SATB2: variants seen among roughly 807,000 people sequenced by gnomAD.
The protein encoded by SATB2 is SATB homeobox 2.
SATB2 carries 1 observed loss-of-function variant against 73.4 expected under a neutral mutation model. That is an observed-to-expected ratio of 0.01 (90% CI 0.00 to 0.06). SATB2 has a LOEUF of 0.06. Among genes scored for constraint, SATB2 ranks in the 10% least tolerant of loss-of-function variants. The pLI is 1.00. For synonymous variants in SATB2, 397 were observed against 367.0 expected, an observed-to-expected ratio of 1.08 and a Z score of -0.93; for missense variants, 459 against 945.8, an observed-to-expected ratio of 0.49 and a Z score of 6.75.
intron 3 of SATB2, among the ~76,000 whole-genome samples, chr2:199,390,819 ACT>A (rs1226148148): frequency 5.9e-5 from 9 of 151,920 alleles, no homozygotes; most frequent in African/African-American, 1.7e-4. Context: ...ATCCCTGGAA[ACT>A]CTCTATCAAT....
intron 4 of SATB2, 100 bp downstream of exon 4, chr2:199,381,594 C>T: frequency 1.3e-6 from 2 of 1,506,034 alleles, no homozygotes; most frequent in Non-Finnish European, 1.8e-6. Context: ...TGTCCAATGT[C>T]CAGAAATTAA....
chr2:199,398,083 C>T (rs1408601000), intron 3 of SATB2, among the ~76,000 whole-genome samples: 3 of 152,130 alleles, frequency 2.0e-5, no homozygotes, highest in Non-Finnish European at 4.4e-5. Context: ...CCTGAAGTTG[C>T]TTCTCAGGGC....
intron 3 of SATB2, among the ~76,000 whole-genome samples, chr2:199,387,671 T>C (rs1690003184): frequency 6.6e-6 from 1 of 152,216 alleles, no homozygotes; most frequent in Non-Finnish European, 1.5e-5. Context: ...CATGATTGAA[T>C]TGAGCACAGT....
Position 199,272,569 on chromosome 2 carries a change from G to A in SATB2, c.1844C>T (p.Pro615Leu), listed in dbSNP as rs1692191333. The part of the protein sequence containing the change: ...PPTEDSCAKK[P>L]RSRTKISLEA... ...TAAGGAGATCTTTGTGCGAGACCGG[G>A]GCTTTTTGGCACAACTGTCTTCAGT... The change falls in exon 11 of 11, where the codon CCC (proline) becomes CTC (leucine). Residue 615 changes from proline to leucine, a missense_variant. By Grantham distance (98) the Pro-to-Leu change is moderately conservative. Around this residue, in one of 13 missense-constraint regions of SATB2, gnomAD observed 74 missense variants for 136.1 expected, o/e 0.54. Transcript: ENST00000417098. This position sits in a 1 kb window ranked among gnomAD's most constrained non-coding sequence, Gnocchi z 6.7. The A allele has an allele frequency of 1.2e-6, 2 of 1,614,140 alleles. No homozygotes were observed. Among genetic ancestry groups the A allele is most frequent in the Non-Finnish European group, 1.7e-6 (2 of 1,180,016 alleles).
At chr2:199,442,367 C>T (rs751348781) in intron 2 of SATB2, among the ~76,000 whole-genome samples, 1 of 152,164 alleles carries the variant, frequency 6.6e-6, no homozygotes, top group Non-Finnish European at 1.5e-5. Context: ...ATTGACAGAA[C>T]TTGTCAGGGT....
At chr2:199,352,176 C>G (rs1035675423) in intron 6 of SATB2, among the ~76,000 whole-genome samples, 1 of 152,164 alleles carries the variant, frequency 6.6e-6, no homozygotes, top group African/African-American at 2.4e-5. Context: ...ACCTGGCCAT[C>G]TATTTCATTT....
At chr2:199,329,191 A>G (rs1688118701) in intron 7 of SATB2, 1 of 444,250 alleles carries the variant, frequency 2.3e-6, no homozygotes, top group African/African-American at 2.0e-5. Flanking sequence ...CTTGGGAAGA[A>G]TTGTGAAACT....
intron 5 of SATB2, among the ~76,000 whole-genome samples, chr2:199,379,882 ATT>A (rs35313465): frequency 2.6e-4 from 38 of 146,630 alleles, no homozygotes; most frequent in South Asian, 4.3e-4. Flanking sequence ...ATAAATGCTA[ATT>A]TTTTTTTTTT....
At chr2:199,458,891 G>A (rs910409709), upstream of SATB2, 59 of 307,834 alleles carry the variant, frequency 1.9e-4, no homozygotes, top group African/African-American at 1.4e-3. Flanking sequence ...AGGGAAGGCC[G>A]CTTCTCCTTC....
At chr2:199,276,543 A>G (rs1692318327) in intron 10 of SATB2, among the ~76,000 whole-genome samples, 1 of 152,124 alleles carries the variant, frequency 6.6e-6, no homozygotes, top group Non-Finnish European at 1.5e-5. Context: ...GTTTGGGCAT[A>G]ATTTTTTTGT....
At chr2:199,439,348 C>A (rs1691741823) in intron 2 of SATB2, among the ~76,000 whole-genome samples, 1 of 152,258 alleles carries the variant, frequency 6.6e-6, no homozygotes, top group Non-Finnish European at 1.5e-5. Context: ...GCTCCTGAAG[C>A]CCATCTGTCT....
At chr2:199,322,420 G>A (rs1057332992) in intron 9 of SATB2, among the ~76,000 whole-genome samples, 3 of 152,072 alleles carry the variant, frequency 2.0e-5, no homozygotes, top group Non-Finnish European at 4.4e-5. Flanking sequence ...TTTGCCATGT[G>A]GTACATGGGA....
intron 5 of SATB2, among the ~76,000 whole-genome samples, chr2:199,379,243 C>A (rs1181793795): frequency 6.6e-6 from 1 of 152,078 alleles, no homozygotes; most frequent in Non-Finnish European, 1.5e-5. Context: ...TTCTTTTGAT[C>A]CTCTCAATCT....
chr2:199,337,547 A>G lies in SATB2; in HGVS notation c.1174-8637T>C, dbSNP rs549453777. Among the ~76,000 whole-genome samples, 7 of 152,314 alleles carry G rather than the reference A, an allele frequency of 4.6e-5. No individual in the cohort carries two copies. The South Asian group carries it at 1.5e-3, about 32-fold the overall frequency. On this transcript the variant is annotated intron_variant, in intron 7 of 10. Transcript: ENST00000417098. The stretch of plus-strand genomic sequence containing the variant: ...TTCATGAAGCCTTTGCTTTAGAAAC[A>G]TACAGATAGGGAGAGGTAGAAATGA...
intron 7 of SATB2, among the ~76,000 whole-genome samples, chr2:199,338,312 G>A (rs1404412689): frequency 7.9e-5 from 12 of 151,872 alleles, no homozygotes; most frequent in African/African-American, 1.2e-4. Flanking sequence ...AGGTTGCAGT[G>A]AGCCAAGATC....
At chr2:199,356,064 T>C (rs746788600) in intron 6 of SATB2, among the ~76,000 whole-genome samples, 1 of 151,980 alleles carries the variant, frequency 6.6e-6, no homozygotes, top group African/African-American at 2.4e-5. Context: ...ACTGAGAAAT[T>C]TCCAGAATCT....
At chr2:199,334,907 A>G (rs1688291991) in intron 7 of SATB2, among the ~76,000 whole-genome samples, 1 of 152,056 alleles carries the variant, frequency 6.6e-6, no homozygotes, top group African/African-American at 2.4e-5. Flanking sequence ...GATACTCATG[A>G]GAGGCATTTC....
chr2:199,365,626 TAAC>T (rs1689260975), intron 6 of SATB2, among the ~76,000 whole-genome samples: 1 of 152,142 alleles, frequency 6.6e-6, no homozygotes, highest in Non-Finnish European at 1.5e-5. Context: ...TTAGCTGAAA[TAAC>T]AACAAATTCA....
chr2:199,294,791 T>C (rs535681463), intron 10 of SATB2, among the ~76,000 whole-genome samples: 1 of 152,352 alleles, frequency 6.6e-6, no homozygotes, highest in East Asian at 1.9e-4. Flanking sequence ...TAGCACCTTC[T>C]GCTCATTTTG....
Sources: allele counts gnomAD v4.1 joint callset (sites outside exome capture counted in the v4.1 genomes callset), GRCh38; gene constraint gnomAD v4.1.1; regional missense constraint gnomAD v4.1.1; non-coding constraint Gnocchi (gnomAD v3.1); transcripts MANE v1.5; gene names NCBI Gene and HGNC (gene_info 2026-07-23, HGNC 2026-07-21).